Variants in PATJ observed in about 807,000 individuals in gnomAD.
The protein encoded by PATJ is inaD-like protein.
Under a neutral mutation model 224.9 loss-of-function variants are expected in PATJ, and 190 were observed. The ratio of observed to expected loss-of-function variants is 0.84; its 90% confidence interval spans 0.75 to 0.95. The LOEUF (loss-of-function observed/expected upper bound fraction) is 0.95, where lower values mean the gene tolerates loss of function less well. Ranked by LOEUF, PATJ falls within the 40% of genes least tolerant of loss-of-function variation. PATJ has a pLI of 0.00. For synonymous variants in PATJ, 769 were observed against 820.3 expected, an observed-to-expected ratio of 0.94 and a Z score of 1.07; for missense variants, 2,121 against 2,270.3, an observed-to-expected ratio of 0.93 and a Z score of 1.34.
chr1:61,827,357 A>G, intron 15 of PATJ, 65 bp from the exon 16 acceptor site: 1 of 1,390,940 alleles, frequency 7.2e-7, no homozygotes, highest in Non-Finnish European at 9.6e-7. Context: ...ATGGATATAA[A>G]TAAGAGATTT....
At chr1:61,762,613 C>G (rs537253684) in intron 1 of PATJ, among the ~76,000 whole-genome samples, 1 of 152,210 alleles carries the variant, frequency 6.6e-6, no homozygotes, top group South Asian at 2.1e-4. Flanking sequence ...TTTTACGTTT[C>G]TCTTAGCAAT....
intron 29 of PATJ, among the ~76,000 whole-genome samples, chr1:62,023,981 G>A (rs1647286219): frequency 6.6e-6 from 1 of 152,162 alleles, no homozygotes; most frequent in Non-Finnish European, 1.5e-5. Context: ...TTTTGATTCT[G>A]TTTATGTGGT....
intron 27 of PATJ, among the ~76,000 whole-genome samples, chr1:61,953,211 A>G (rs1200177553): frequency 6.6e-6 from 1 of 152,256 alleles, no homozygotes; most frequent in East Asian, 1.9e-4. Context: ...TTATCTAAAT[A>G]AAATGGAATA....
chr1:61,798,854 G>A (rs981891603), intron 11 of PATJ, among the ~76,000 whole-genome samples: 8 of 151,970 alleles, frequency 5.3e-5, no homozygotes, highest in South Asian at 2.1e-4. Flanking sequence ...ACTGCCTGCC[G>A]GCCTGCGTGA....
intron 19 of PATJ, among the ~76,000 whole-genome samples, chr1:61,863,455 T>A (rs1171725592): frequency 6.6e-6 from 1 of 152,084 alleles, no homozygotes; most frequent in African/African-American, 2.4e-5. Flanking sequence ...AGACTTAAAA[T>A]AGGAAAGATC....
At chr1:62,039,023 C>T in intron 30 of PATJ, 1 of 1,099,728 alleles carries the variant, frequency 9.1e-7, no homozygotes, top group Non-Finnish European at 1.4e-6. Flanking sequence ...ACTGATACTC[C>T]TGTAGTGTGT....
intron 28 of PATJ, among the ~76,000 whole-genome samples, chr1:62,004,596 A>G (rs1645980616): frequency 6.6e-6 from 1 of 152,134 alleles, no homozygotes; most frequent in Non-Finnish European, 1.5e-5. Context: ...TGTTGGTCAA[A>G]TTTCTTAAAC....
At chr1:61,747,074 G>A (rs1360691467) in intron 1 of PATJ, among the ~76,000 whole-genome samples, 1 of 152,198 alleles carries the variant, frequency 6.6e-6, no homozygotes, top group Non-Finnish European at 1.5e-5. Context: ...GGTTGGGGAA[G>A]CCAAAGTGGG....
At chr1:61,948,109 C>T (rs1262610864) in intron 27 of PATJ, among the ~76,000 whole-genome samples, 2 of 152,098 alleles carry the variant, frequency 1.3e-5, no homozygotes, top group Non-Finnish European at 2.9e-5. Flanking sequence ...CCATAAAAAC[C>T]CTAGAAGAAA....
intron 35 of PATJ, among the ~76,000 whole-genome samples, chr1:62,115,587 A>G (rs2148896155): frequency 6.7e-6 from 1 of 150,090 alleles, no homozygotes; most frequent in East Asian, 1.9e-4. Flanking sequence ...CTTGAAACAA[A>G]GCCTAGCTTC....
At chr1:61,886,312 G>A (rs1668825033) in intron 22 of PATJ, among the ~76,000 whole-genome samples, 1 of 152,116 alleles carries the variant, frequency 6.6e-6, no homozygotes, top group South Asian at 2.1e-4. Flanking sequence ...CAAAGGAAGA[G>A]AACATTTTAA....
chr1:61,908,812 A>G (rs1483253240), intron 25 of PATJ, among the ~76,000 whole-genome samples: 1 of 152,196 alleles, frequency 6.6e-6, no homozygotes, highest in East Asian at 1.9e-4. Context: ...TTTATGAAAT[A>G]CTTTGAACAG....
At chr1:61,881,603 G>T (rs1244265562) in intron 21 of PATJ, among the ~76,000 whole-genome samples, 1 of 151,916 alleles carries the variant, frequency 6.6e-6, no homozygotes, top group African/African-American at 2.4e-5. Flanking sequence ...GTAGAGACGG[G>T]ATTTTGCCAT....
chr1:62,013,608 A>G, intron 28 of PATJ: 2 of 668,524 alleles, frequency 3.0e-6, no homozygotes, highest in Non-Finnish European at 3.7e-6. Flanking sequence ...TATAAGTGCA[A>G]GAAGAGAAAT....
intron 27 of PATJ, among the ~76,000 whole-genome samples, chr1:61,957,657 G>C (rs17378746): frequency 0.15 from 22,929 of 152,112 alleles, 2,190 homozygotes; most frequent in Non-Finnish European, 0.21. Context: ...GCAGCATGTG[G>C]CCCATTATGT....
chr1:61,965,175 G>GTAGAGA lies in PATJ; in HGVS notation c.3671-24991_3671-24986dup, dbSNP rs1681950304. ...AAAAAAAAAAAAGGAGCCTTCATGTGTAGAGATTGAAGCTTTATTATTTTC... is the reference window on the plus strand; with the variant it reads ...AAAAAAAAAAAAGGAGCCTTCATGTGTAGAGATAGAGATTGAAGCTTTATTATTTTC... On this transcript the variant is annotated intron_variant, in intron 27 of 43. Transcript: ENST00000642238. Among the ~76,000 whole-genome samples, 3 of 124,918 alleles carry GTAGAGA rather than the reference G, an allele frequency of 2.4e-5. 1 individual carries two copies. In the South Asian group the frequency reaches 8.4e-4, roughly 35 times the overall value. The allele number at this position is 124,918 out of a possible 152,430, so 82.0% of individuals were successfully genotyped here.
chr1:62,043,901 A>AT (rs1221381434), intron 30 of PATJ, among the ~76,000 whole-genome samples: 1 of 151,844 alleles, frequency 6.6e-6, no homozygotes, highest in Non-Finnish European at 1.5e-5. Context: ...CTACTATAAG[A>AT]TTTTTTTGCA....
chr1:62,106,850 C>A (rs1663119972), intron 33 of PATJ, among the ~76,000 whole-genome samples: 1 of 152,270 alleles, frequency 6.6e-6, no homozygotes, highest in East Asian at 1.9e-4. Context: ...AGCCTCTAGG[C>A]TCTGACAAGT....
At chr1:62,102,331 C>G (rs1481615430) in intron 33 of PATJ, among the ~76,000 whole-genome samples, 1 of 152,160 alleles carries the variant, frequency 6.6e-6, no homozygotes, top group Admixed American at 6.5e-5. Context: ...TCATTTTTGA[C>G]TCTGTCAGTC....
Sources: gnomAD v4.1 joint callset for allele counts (sites outside exome capture counted in the v4.1 genomes callset) on GRCh38, gnomAD v4.1.1 for gene constraint, MANE v1.5 for transcripts, NCBI Gene and HGNC (gene_info 2026-07-23, HGNC 2026-07-21) for gene names.